PBRM1: variants seen among roughly 807,000 people sequenced by gnomAD.
The protein encoded by PBRM1 is polybromo 1, also known as protein polybromo-1.
PBRM1 carries 27 observed loss-of-function variants against 194.5 expected under a neutral mutation model. The ratio of observed to expected loss-of-function variants is 0.14; its 90% CI spans 0.10 to 0.19. PBRM1 has a LOEUF of 0.19. Among genes scored for constraint, PBRM1 ranks in the 10% least tolerant of loss-of-function variants. The pLI is 1.00. For missense variants in PBRM1, 1,466 were observed against 2,077.2 expected, an observed-to-expected ratio of 0.71 and a Z score of 5.72; for synonymous variants, 655 against 693.2, an observed-to-expected ratio of 0.94 and a Z score of 0.87.
At chr3:52,613,219 G>A (rs2094744356) in intron 15 of PBRM1, among the ~76,000 whole-genome samples, 1 of 152,082 alleles carries the variant, frequency 6.6e-6, no homozygotes, top group African/African-American at 2.4e-5. Flanking sequence ...TGACATGATT[G>A]GATTTGTTTT....
intron 7 of PBRM1, among the ~76,000 whole-genome samples, chr3:52,647,457 A>AAAAAAAAT (rs1560745545): frequency 4.2e-5 from 2 of 47,870 alleles, no homozygotes; most frequent in Non-Finnish European, 6.9e-5. Flanking sequence ...AAAAAAAAAA[A>AAAAAAAAT]ATATATATAT....
chr3:52,632,518 T>G (rs1198505082), intron 11 of PBRM1, among the ~76,000 whole-genome samples: 2 of 151,994 alleles, frequency 1.3e-5, no homozygotes, highest in African/African-American at 2.4e-5. Flanking sequence ...GAGGTTCGAG[T>G]TGATCATGCC....
intron 2 of PBRM1, among the ~76,000 whole-genome samples, chr3:52,677,017 T>C (rs1042075929): frequency 6.6e-6 from 1 of 152,156 alleles, no homozygotes; most frequent in African/African-American, 2.4e-5. Flanking sequence ...TTGGGTACTG[T>C]TTAAGGCATT....
chr3:52,579,280 T>C (rs1209123493), intron 20 of PBRM1, 81 bp from the exon 23 acceptor site: 2 of 1,323,960 alleles, frequency 1.5e-6, no homozygotes, highest in Non-Finnish European at 2.2e-6. Flanking sequence ...CAGACTTTTC[T>C]TTCACATTAA....
chr3:52,608,733 C>T (rs918245579), intron 16 of PBRM1, among the ~76,000 whole-genome samples: 2 of 150,752 alleles, frequency 1.3e-5, no homozygotes, highest in African/African-American at 2.4e-5. Flanking sequence ...CATGTAGCAA[C>T]GATATATCAC....
At position 52,627,061 on chromosome 3, in the gene PBRM1, T is replaced by C. The variant is rs112638853; in HGVS notation, c.1541+212A>G. The stretch of plus-strand genomic sequence containing the variant: ...ATGTTTTGCCAAGCTACATATGTAG[T>C]AGTCATTTTCATCTGGGTCATCTAA... On this transcript the variant is annotated intron_variant, in intron 13 of 29. Coordinates refer to ENST00000296302, the Ensembl canonical transcript of PBRM1. Among the ~76,000 whole-genome samples, 5 of 151,030 alleles carry C rather than the reference T, an allele frequency of 3.3e-5. 1 individual carries two copies. The highest frequency in any genetic ancestry group is 4.2e-4 in the South Asian group (2 of 4,774).
Position 52,644,926 on chromosome 3 carries a change from C to T in PBRM1, c.814-137G>A, listed in dbSNP as rs540680498. ...CTTCCATTCAATACCCACAAAGCTG[C>T]ATCCTCCAACATTTCTACAAGCTTC... On this transcript the variant is annotated intron_variant, in intron 7 of 29. Transcript: ENST00000296302. The T allele has an allele frequency of 9.9e-5, 47 of 475,998 alleles. No homozygotes were observed. In the South Asian group the frequency reaches 1.1e-3, roughly 11 times the overall value. 29.5% of individuals were successfully genotyped at this position (475,998 alleles called of 1,614,324 possible).
chr3:52,676,433 G>C (rs1020744090), intron 2 of PBRM1, among the ~76,000 whole-genome samples: 2 of 152,066 alleles, frequency 1.3e-5, no homozygotes, highest in African/African-American at 4.8e-5. Flanking sequence ...GTTTATTAGG[G>C]GTTCCCACTT....
chr3:52,550,557 CTGT>C (rs758095404), exon 29 of PBRM1: 1 of 1,554,948 alleles, frequency 6.4e-7, no homozygotes, highest in Non-Finnish European at 8.7e-7. Context: ...TTGTTGGCTG[CTGT>C]ATGACAGGGG....
intron 20 of PBRM1, among the ~76,000 whole-genome samples, chr3:52,580,790 C>T (rs2090964753): frequency 6.6e-6 from 1 of 152,088 alleles, no homozygotes; most frequent in Admixed American, 6.6e-5. Flanking sequence ...ATAGTGTGGC[C>T]ACCAGATAGG....
At chr3:52,550,373 T>C (rs1406599411) in intron 29 of PBRM1, 48 bp downstream of exon 31, 1 of 1,017,390 alleles carries the variant, frequency 9.8e-7, no homozygotes, top group Admixed American at 2.8e-5. Flanking sequence ...GTAAGACAGC[T>C]TTGAGGAAGC....
chr3:52,634,734 T>A (rs763433177), exon 11 of PBRM1: 11 of 1,613,850 alleles, frequency 6.8e-6, no homozygotes, highest in Non-Finnish European at 9.3e-6. Context: ...AACTGTGTCA[T>A]AAAGCTGATA....
At chr3:52,558,535 T>A in intron 25 of PBRM1, 122 bp from the exon 28 acceptor site, 1 of 795,678 alleles carries the variant, frequency 1.3e-6, no homozygotes, top group East Asian at 2.8e-5. Context: ...GAAGGAACAG[T>A]AGATGACTAG....
chr3:52,681,795 C>G, upstream of PBRM1: 3 of 791,184 alleles, frequency 3.8e-6, no homozygotes, highest in Non-Finnish European at 4.7e-6. Flanking sequence ...TTTAGAAGTG[C>G]TGATTCAGTG....
chr3:52,588,333 T>C (rs184642547), intron 18 of PBRM1, among the ~76,000 whole-genome samples: 2 of 152,340 alleles, frequency 1.3e-5, no homozygotes, highest in Admixed American at 1.3e-4. Context: ...CTAGAAAGCC[T>C]TTTTGAAAAC....
chr3:52,568,911 G>T (rs2086167909), intron 22 of PBRM1, among the ~76,000 whole-genome samples: 1 of 152,048 alleles, frequency 6.6e-6, no homozygotes, highest in East Asian at 1.9e-4. Flanking sequence ...TTGAGACAGG[G>T]TCTCACTTTG....
At chr3:52,679,956 G>T (rs1172914996), upstream of PBRM1, among the ~76,000 whole-genome samples, 3 of 151,584 alleles carry the variant, frequency 2.0e-5, no homozygotes, top group African/African-American at 7.3e-5. Flanking sequence ...TTCAACAAAA[G>T]CATATTCATT....
chr3:52,618,014 A>G (rs2095058665), intron 13 of PBRM1, among the ~76,000 whole-genome samples: 1 of 152,218 alleles, frequency 6.6e-6, no homozygotes, highest in South Asian at 2.1e-4. Context: ...AGTACTCCTG[A>G]ACACTTGTGT....
At position 52,562,780 on chromosome 3, in the gene PBRM1, A is replaced by G. The variant is rs570673112; in HGVS notation, c.4086+503T>C. Among the ~76,000 whole-genome samples, 9 of 152,214 alleles carry G rather than the reference A, an allele frequency of 5.9e-5. No homozygotes were observed. In the East Asian group the frequency reaches 1.7e-3, roughly 29 times the overall value. ...GGTCTTGAACTCCTGAGCTCAAGTG[A>G]TCCTCCTGCCTTGGCCTCCCAAAGT... On this transcript the variant is annotated intron_variant, in intron 24 of 29. Coordinates refer to ENST00000296302, the Ensembl canonical transcript of PBRM1.
Sources: allele counts gnomAD v4.1 joint callset (sites outside exome capture counted in the v4.1 genomes callset), GRCh38; gene constraint gnomAD v4.1.1; transcripts MANE v1.5; gene names NCBI Gene and HGNC (gene_info 2026-07-23, HGNC 2026-07-21).